The following SEMA5B variants were observed in gnomAD, a reference collection of about 807,000 sequenced individuals.
The protein encoded by SEMA5B is semaphorin 5B, also known as semaphorin-5B.
A neutral mutation model predicts 135.0 loss-of-function variants in SEMA5B; 66 were observed. That is an observed-to-expected ratio of 0.49 (90% CI 0.40 to 0.60). The LOEUF (loss-of-function observed/expected upper bound fraction) is 0.60, where lower values mean the gene tolerates loss of function less well. Among genes scored for constraint, SEMA5B ranks in the 20% least tolerant of loss-of-function variants. The probability of loss-of-function intolerance (pLI) is 0.00; values close to 1 mark genes in which losing one functional copy is unlikely to be tolerated. For synonymous variants in SEMA5B, 690 were observed against 639.5 expected (o/e 1.08, Z -1.19); for missense variants, 1,501 against 1,566.3 (o/e 0.96, Z 0.70).
chr3:123,012,202 G>A (rs991512961), intron 1 of SEMA5B, among the ~76,000 whole-genome samples: 3 of 152,154 alleles, frequency 2.0e-5, no homozygotes, highest in African/African-American at 7.2e-5. Context: ...TGAGGACTTC[G>A]GTGAGAGACT....
intron 3 of SEMA5B, among the ~76,000 whole-genome samples, chr3:122,946,385 A>G (rs1419577796): frequency 2.0e-5 from 3 of 152,166 alleles, no homozygotes; most frequent in Non-Finnish European, 2.9e-5. Flanking sequence ...CAGCTCAGTC[A>G]GGTGTCAGGG....
At chr3:122,955,228 C>T (rs1261205008) in intron 2 of SEMA5B, among the ~76,000 whole-genome samples, 1 of 152,058 alleles carries the variant, frequency 6.6e-6, no homozygotes, top group South Asian at 2.1e-4. Context: ...TTCTGTCTAC[C>T]TCCAGACTCC....
intron 9 of SEMA5B, among the ~76,000 whole-genome samples, chr3:122,925,503 C>T (rs1281139348): frequency 1.3e-5 from 2 of 151,912 alleles, no homozygotes; most frequent in Admixed American, 1.3e-4. Flanking sequence ...CCCATCTCTA[C>T]TAAAAATACA....
intron 2 of SEMA5B, among the ~76,000 whole-genome samples, chr3:122,955,302 G>A (rs902037984): frequency 3.3e-5 from 5 of 152,166 alleles, no homozygotes; most frequent in Admixed American, 3.3e-4. Context: ...ATAACACCCA[G>A]CTCACAGCTG....
intron 1 of SEMA5B, among the ~76,000 whole-genome samples, chr3:122,985,890 A>G (rs957900509): frequency 6.6e-6 from 1 of 152,250 alleles, no homozygotes; most frequent in African/African-American, 2.4e-5. Flanking sequence ...ATGTGAAAAG[A>G]GAGAGAAGCT....
intron 1 of SEMA5B, among the ~76,000 whole-genome samples, chr3:122,967,599 GC>G (rs1940922436): frequency 6.6e-6 from 1 of 152,188 alleles, no homozygotes; most frequent in South Asian, 2.1e-4. Flanking sequence ...TAGGAGCCCA[GC>G]CCCCACATCT....
At chr3:122,920,229 C>G (rs1335417337) in intron 12 of SEMA5B, among the ~76,000 whole-genome samples, 8 of 152,258 alleles carry the variant, frequency 5.3e-5, no homozygotes, top group Non-Finnish European at 2.9e-5. Flanking sequence ...TTTCCAGTCC[C>G]ATTCCCCATG....
At chr3:122,989,952 T>G (rs1007285910) in intron 1 of SEMA5B, among the ~76,000 whole-genome samples, 1 of 152,166 alleles carries the variant, frequency 6.6e-6, no homozygotes, top group Non-Finnish European at 1.5e-5. Context: ...CTGGGGTGAC[T>G]AAAGATCCCA....
intron 1 of SEMA5B, among the ~76,000 whole-genome samples, chr3:123,017,587 G>A (rs1942591079): frequency 6.6e-6 from 1 of 152,192 alleles, no homozygotes; most frequent in Non-Finnish European, 1.5e-5. Flanking sequence ...ACTGTAGCAT[G>A]CAACAGAATG....
In SEMA5B at chr3:122,915,601, A is replaced by C. The variant is rs1391777147; in HGVS notation, c.1827T>G (p.Asp609Glu). The C allele has an allele frequency of 6.2e-7, 1 of 1,612,786 alleles. No homozygotes were observed. The highest frequency in any genetic ancestry group is 1.3e-5 in the African/African-American group (1 of 74,918). The change falls in exon 14 of 23, where the codon GAT becomes GAG. Residue 609 changes from aspartate to glutamate, a missense_variant. Around this residue, in one of 2 missense-constraint regions of SEMA5B, gnomAD observed 927 missense variants for 881.6 expected, o/e 1.05. Transcript: ENST00000357599. ...TACPVRNVTRDGGFGPWSPWQ... is the reference protein window; with the variant it reads ...TACPVRNVTREGGFGPWSPWQ... ...ATGGTGACCATGGGCCGAAGCCCCC[A>C]TCCCGTGTCACATTCCGCACCTGAA...
rs772634030 is a variant in SEMA5B, at chr3:122,910,932, A to G, written c.3205T>C (p.Ser1069Pro). The G allele has an allele frequency of 6.2e-7, 1 of 1,613,456 alleles. No homozygotes were observed. The highest frequency in any genetic ancestry group is 8.5e-7 in the Non-Finnish European group (1 of 1,179,912). The change falls in exon 22 of 23, where the codon TCC becomes CCC. Residue 1069 changes from serine to proline, a missense_variant. By Grantham distance (74) the Ser-to-Pro change is moderately conservative. Around this residue, in one of 2 missense-constraint regions of SEMA5B, gnomAD observed 927 missense variants for 881.6 expected, o/e 1.05. Transcript: ENST00000357599. ...GGGGTGGCAGGATGGACCAGTGTGG[A>G]CTCCTGGGACTGACGCTGGCAGTGC... ...CQHCQRQSQE[S>P]TLVHPATPNH...
intron 1 of SEMA5B, among the ~76,000 whole-genome samples, chr3:122,983,891 T>C (rs1486609627): frequency 7.2e-5 from 11 of 151,996 alleles, no homozygotes; most frequent in Admixed American, 7.2e-4. Flanking sequence ...TTACCCCTGC[T>C]GTGGAAGCAG....
In SEMA5B at chr3:122,948,232, C is replaced by G. The variant is rs530594986; in HGVS notation, c.328+274G>C. On this transcript the variant is annotated intron_variant, in intron 3 of 22. Coordinates refer to ENST00000357599, the MANE Select transcript of SEMA5B (RefSeq NM_001031702.4). Reference sequence around the variant, plus strand: ...GCCAGGGCATCCACAACTTCCTTTTCTAGCAAAAGACTCCCCTTACCCCAG... The same window carrying G: ...GCCAGGGCATCCACAACTTCCTTTTGTAGCAAAAGACTCCCCTTACCCCAG... Among the ~76,000 whole-genome samples the G allele has an allele frequency of 1.5e-4, 23 of 152,316 alleles. 1 individual carries two copies. The East Asian group carries it at 4.4e-3, about 29-fold the overall frequency.
chr3:123,012,151 C>T (rs187462477), intron 1 of SEMA5B, among the ~76,000 whole-genome samples: 3 of 152,300 alleles, frequency 2.0e-5, no homozygotes, highest in East Asian at 1.9e-4. Context: ...GTCTTTTCCT[C>T]GTGTGTAAAC....
In SEMA5B at chr3:122,920,936, C is replaced by T. The variant is rs1576334793; in HGVS notation, c.1688+979G>A. Among the ~76,000 whole-genome samples, 4 of 152,350 alleles carry T rather than the reference C, an allele frequency of 2.6e-5. No homozygotes were observed. In the South Asian group the frequency reaches 8.3e-4, roughly 32 times the overall value. On this transcript the variant is annotated intron_variant, in intron 12 of 22. Coordinates refer to ENST00000357599, the MANE Select transcript of SEMA5B (RefSeq NM_001031702.4). Reference sequence around the variant, plus strand: ...GTATGTCTTAGTAAGTGTGTGGTGTCTCGCTGATGGAGACTTGTGTTGGGG... The same window carrying T: ...GTATGTCTTAGTAAGTGTGTGGTGTTTCGCTGATGGAGACTTGTGTTGGGG...
intron 1 of SEMA5B, among the ~76,000 whole-genome samples, chr3:122,971,184 G>A (rs1420445622): frequency 6.6e-6 from 1 of 152,248 alleles, no homozygotes; most frequent in Non-Finnish European, 1.5e-5. Context: ...GAATACATCA[G>A]AGCAGGATGG....
In SEMA5B at chr3:122,910,078, T is replaced by A; in HGVS notation, c.*65A>T. On this transcript the variant is annotated 3_prime_UTR_variant, in exon 23 of 23. Transcript: ENST00000357599. ...AGGGAGAAAACCAAACTGGCTCCAC[T>A]GTCCCATCTCCATCTGCTCTGTGCC... 6.4e-7 allele frequency: 1 copy of A among 1,552,738 alleles called. No individual in the cohort carries two copies. Among genetic ancestry groups the A allele is most frequent in the Non-Finnish European group, 8.7e-7 (1 of 1,145,160 alleles).
At chr3:122,956,763 G>T (rs1438800883) in intron 2 of SEMA5B, among the ~76,000 whole-genome samples, 2 of 152,122 alleles carry the variant, frequency 1.3e-5, no homozygotes, top group African/African-American at 4.8e-5. Flanking sequence ...GGATGCATCG[G>T]GCCGGCTCTC....
chr3:123,002,969 G>A (rs907449288), intron 1 of SEMA5B, among the ~76,000 whole-genome samples: 3 of 152,116 alleles, frequency 2.0e-5, no homozygotes, highest in Non-Finnish European at 4.4e-5. Flanking sequence ...AAAATTACTA[G>A]CATCCATAGT....
Sources: allele counts gnomAD v4.1 joint callset (sites outside exome capture counted in the v4.1 genomes callset), GRCh38; gene constraint gnomAD v4.1.1; regional missense constraint gnomAD v4.1.1; transcripts MANE v1.5; gene names NCBI Gene and HGNC (gene_info 2026-07-23, HGNC 2026-07-21).